CCDC191: variants seen among roughly 807,000 people sequenced by gnomAD.
CCDC191 encodes coiled-coil domain containing 191.
Under a neutral mutation model 114.0 loss-of-function variants are expected in CCDC191, and 99 were observed. That is an observed-to-expected ratio of 0.87 (90% CI 0.74 to 1.03). CCDC191 has a LOEUF of 1.03. Ranked by LOEUF, CCDC191 falls within the 50% of genes least tolerant of loss-of-function variation. The pLI is 0.00. For missense variants in CCDC191, 973 were observed against 1,087.0 expected (o/e 0.90, Z 1.47); for synonymous variants, 351 against 376.0 (o/e 0.93, Z 0.77).
rs1577457392 is a variant in CCDC191, at chr3:114,034,848, A to G, written c.818+77T>C. On this transcript the variant is annotated intron_variant, in intron 6 of 16. Coordinates refer to ENST00000295878, the MANE Select transcript of CCDC191 (RefSeq NM_020817.2). ...ATGTTTTGTTATTGAATGTTTGTGC[A>G]CTTCAAAAACTTCAGAGCATTTCTA... is the stretch of plus-strand genomic sequence containing the variant. The G allele has an allele frequency of 5.1e-6, 6 of 1,172,926 alleles. No individual in the cohort carries two copies. In the East Asian group the frequency reaches 1.4e-4, roughly 28 times the overall value. 72.7% of individuals were successfully genotyped at this position (1,172,926 alleles called of 1,614,324 possible).
At chr3:113,976,997 A>T (rs1361199591) in intron 16 of CCDC191, among the ~76,000 whole-genome samples, 3 of 152,218 alleles carry the variant, frequency 2.0e-5, no homozygotes, top group Non-Finnish European at 4.4e-5. Context: ...AAGGACAAAC[A>T]GGTTTTGGTG....
At chr3:113,968,208 A>T (rs142324543) in intron 16 of CCDC191, among the ~76,000 whole-genome samples, 1 of 152,056 alleles carries the variant, frequency 6.6e-6, no homozygotes, top group Non-Finnish European at 1.5e-5. Context: ...AGGAATCTCC[A>T]TTCTGTTCTC....
intron 12 of CCDC191, among the ~76,000 whole-genome samples, chr3:114,001,925 A>G (rs1211374795): frequency 6.6e-6 from 1 of 152,248 alleles, no homozygotes; most frequent in East Asian, 1.9e-4. Flanking sequence ...CTGATCATAA[A>G]TAAGATCACC....
chr3:114,028,841 A>C (rs1358023014), intron 7 of CCDC191, among the ~76,000 whole-genome samples: 1 of 150,980 alleles, frequency 6.6e-6, no homozygotes, highest in African/African-American at 2.4e-5. Context: ...AAAGGAGAAT[A>C]ACATGACCCT....
At chr3:113,986,821 C>T (rs957406495) in intron 13 of CCDC191, among the ~76,000 whole-genome samples, 1 of 152,128 alleles carries the variant, frequency 6.6e-6, no homozygotes, top group African/African-American at 2.4e-5. Flanking sequence ...CCTCTCCCCT[C>T]TGTCTCCAAA....
chr3:114,034,116 A>G (rs1295214588), intron 6 of CCDC191, among the ~76,000 whole-genome samples: 1 of 152,224 alleles, frequency 6.6e-6, no homozygotes, highest in African/African-American at 2.4e-5. Context: ...GACTATTTTC[A>G]TCTTCCTCTT....
rs2107657342 is a variant in CCDC191 at position 114,001,666 on chromosome 3, G to A, written c.2092C>T (p.Gln698Ter). 8 of 1,613,692 alleles carry A rather than the reference G, an allele frequency of 5.0e-6. No individual in the cohort carries two copies. Among genetic ancestry groups the A allele is most frequent in the Non-Finnish European group, 6.8e-6 (8 of 1,179,832 alleles). Residue 698 changes from glutamine to a stop codon, truncating the protein, a stop_gained, in exon 13 of 17, where the codon CAG becomes TAG. Transcript: ENST00000295878. LOFTEE classifies it high-confidence loss of function. Reference sequence around the variant, plus strand: ...TCCTTTTCTTCTGCCTCCCTTTTCTGACGTTCCTCCTCTTGGGCCTTTAAC... The same window carrying A: ...TCCTTTTCTTCTGCCTCCCTTTTCTAACGTTCCTCCTCTTGGGCCTTTAAC... Reference protein sequence around the residue: ...AQLKAQEEERQKREAEEKEAQ... With the variant: ...AQLKAQEEER
chr3:114,054,584 C>T (rs780740814), intron 1 of CCDC191, among the ~76,000 whole-genome samples: 219 of 152,280 alleles, frequency 1.4e-3, no homozygotes, highest in Middle Eastern at 6.8e-3. Flanking sequence ...TTGCAGTGAG[C>T]CGAGATTGCA....
At chr3:113,996,831 T>C (rs544151691) in intron 13 of CCDC191, among the ~76,000 whole-genome samples, 3 of 116,028 alleles carry the variant, frequency 2.6e-5, no homozygotes, top group African/African-American at 6.8e-5. Context: ...TGAGAACACA[T>C]GGACACAGGG....
chr3:114,006,619 A>ATATATATATATATATATATAAAT (rs1559903359), intron 9 of CCDC191, among the ~76,000 whole-genome samples: 6 of 92,514 alleles, frequency 6.5e-5, no homozygotes, highest in African/African-American at 2.5e-4. Flanking sequence ...TATATATATA[A>ATATATATATATATATATATAAAT]ATATATATAT....
intron 13 of CCDC191, among the ~76,000 whole-genome samples, chr3:113,997,301 G>A (rs2075747321): frequency 6.6e-6 from 1 of 152,128 alleles, no homozygotes; most frequent in African/African-American, 2.4e-5. Flanking sequence ...TATTTAGGTA[G>A]AGTTTCACAT....
At position 113,978,989 on chromosome 3, in the gene CCDC191, A is replaced by AAGAGT; in HGVS notation, c.2324_2328dup (p.Leu777ThrfsTer11). The AAGAGT allele has an allele frequency of 6.2e-7, 1 of 1,613,924 alleles. No homozygotes were observed. Among genetic ancestry groups the AAGAGT allele is most frequent in the Non-Finnish European group, 8.5e-7 (1 of 1,179,902 alleles). On this transcript the variant is annotated frameshift_variant, in exon 15 of 17. Coordinates refer to ENST00000295878, the MANE Select transcript of CCDC191 (RefSeq NM_020817.2). LOFTEE classifies it high-confidence loss of function. ...AGCATGTATTTCCTCTGCAGGAACAAAGAGTAATGTTCTTCTGCCACCTGG... is the reference window on the plus strand; with the variant it reads ...AGCATGTATTTCCTCTGCAGGAACAAAGAGTAGAGTAATGTTCTTCTGCCACCTGG...
intron 4 of CCDC191, chr3:114,039,249 TAATCCCACCACTCTGA>T (rs1427199374): frequency 6.6e-6 from 1 of 152,206 alleles, no homozygotes; most frequent in Non-Finnish European, 1.5e-5. Flanking sequence ...CTCACACCTG[TAATCCCACCACTCTGA>T]GAGGCCGAAA....
At chr3:114,007,043 T>C (rs1166011566) in intron 9 of CCDC191, among the ~76,000 whole-genome samples, 1 of 152,162 alleles carries the variant, frequency 6.6e-6, no homozygotes, top group Admixed American at 6.5e-5. Flanking sequence ...CCTAATAATA[T>C]TTTGTATTAG....
At chr3:114,004,437 T>G in intron 11 of CCDC191, 200 bp downstream of exon 11, 1 of 1,139,040 alleles carries the variant, frequency 8.8e-7, no homozygotes, top group Non-Finnish European at 1.1e-6. Flanking sequence ...GCCAAAAAGG[T>G]TGGCAAAAGG....
At chr3:113,969,982 A>G (rs536073495) in intron 16 of CCDC191, among the ~76,000 whole-genome samples, 1 of 152,170 alleles carries the variant, frequency 6.6e-6, no homozygotes, top group Non-Finnish European at 1.5e-5. Flanking sequence ...GTGCAGGAGC[A>G]TGGCATATCT....
At position 113,978,229 on chromosome 3, in the gene CCDC191, C is replaced by A. The variant is rs765845553; in HGVS notation, c.2563G>T (p.Asp855Tyr). 1 of 1,614,022 alleles carries A rather than the reference C, an allele frequency of 6.2e-7. No homozygotes were observed. The highest frequency in any genetic ancestry group is 8.5e-7 in the Non-Finnish European group (1 of 1,179,948). Reference sequence around the variant, plus strand: ...GCAATCTCATGCTTGCCCTGAGAATCGATCTTCACCTCCCTGACCATGTTA... The same window carrying A: ...GCAATCTCATGCTTGCCCTGAGAATAGATCTTCACCTCCCTGACCATGTTA... Reference protein sequence around the residue: ...WFNMVREVKIDSQGKHEIAAE... With the variant: ...WFNMVREVKIYSQGKHEIAAE... Residue 855 changes from aspartate (D) to tyrosine (Y), a missense_variant, in exon 16 of 17, where the codon GAT becomes TAT. Transcript: ENST00000295878.
chr3:113,971,050 G>C (rs1940768216), intron 16 of CCDC191, among the ~76,000 whole-genome samples: 1 of 152,186 alleles, frequency 6.6e-6, no homozygotes, highest in Admixed American at 6.5e-5. Flanking sequence ...CTTTATAGCA[G>C]CATGATTTAT....
intron 13 of CCDC191, among the ~76,000 whole-genome samples, chr3:113,998,167 G>A (rs568005288): frequency 1.3e-5 from 2 of 151,776 alleles, no homozygotes; most frequent in East Asian, 1.9e-4. Context: ...TTAGCCAGGC[G>A]TGGTGGTGCA....
Sources: gnomAD v4.1 joint callset for allele counts (sites outside exome capture counted in the v4.1 genomes callset) on GRCh38, gnomAD v4.1.1 for gene constraint, MANE v1.5 for transcripts, NCBI Gene and HGNC (gene_info 2026-07-23, HGNC 2026-07-21) for gene names.